CNTN5: variants seen among roughly 807,000 people sequenced by gnomAD.
The protein encoded by CNTN5 is contactin-5.
In CNTN5, 77 loss-of-function variants were observed where a neutral mutation model predicts 129.1. The ratio of observed to expected loss-of-function variants is 0.60; its 90% CI spans 0.50 to 0.72. The LOEUF is 0.72. Among genes scored for constraint, CNTN5 ranks in the 30% least tolerant of loss-of-function variants. CNTN5 has a pLI of 0.00. For missense variants in CNTN5, 1,478 were observed against 1,328.8 expected, an observed-to-expected ratio of 1.11 and a Z score of -1.75; for synonymous variants, 509 against 465.6, an observed-to-expected ratio of 1.09 and a Z score of -1.20.
intron 1 of CNTN5, among the ~76,000 whole-genome samples, chr11:99,298,735 C>T (rs1864494512): frequency 6.6e-6 from 1 of 152,070 alleles, no homozygotes; most frequent in African/African-American, 2.4e-5. Flanking sequence ...AAATCCAGCC[C>T]AAAAAACATC....
chr11:99,696,531 A>G (rs1381194528), intron 3 of CNTN5, among the ~76,000 whole-genome samples: 7 of 151,994 alleles, frequency 4.6e-5, no homozygotes, highest in African/African-American at 1.7e-4. Flanking sequence ...ATTTTAGACT[A>G]TAGATAAGTT....
At chr11:99,654,447 C>T (rs1269819668) in intron 3 of CNTN5, among the ~76,000 whole-genome samples, 1 of 151,862 alleles carries the variant, frequency 6.6e-6, no homozygotes, top group Non-Finnish European at 1.5e-5. Flanking sequence ...TCTGATAATG[C>T]AAAAGAGGCA....
intron 2 of CNTN5, among the ~76,000 whole-genome samples, chr11:99,474,193 A>G (rs917261961): frequency 6.8e-6 from 1 of 147,872 alleles, no homozygotes; most frequent in Admixed American, 6.9e-5. Flanking sequence ...GTATTGTAAT[A>G]AGAAGTTCTA....
intron 3 of CNTN5, among the ~76,000 whole-genome samples, chr11:99,677,191 G>A (rs999033499): frequency 2.0e-5 from 3 of 152,066 alleles, no homozygotes; most frequent in African/African-American, 7.2e-5. Context: ...ATTCCAAAAT[G>A]AATTATGTTT....
chr11:99,270,922 T>C (rs1863140278), intron 1 of CNTN5, among the ~76,000 whole-genome samples: 1 of 151,954 alleles, frequency 6.6e-6, no homozygotes. Context: ...GTGTGTTATT[T>C]AGATGAAAAT....
At chr11:99,876,184 T>A (rs1475978243) in intron 6 of CNTN5, among the ~76,000 whole-genome samples, 1 of 152,108 alleles carries the variant, frequency 6.6e-6, no homozygotes, top group Non-Finnish European at 1.5e-5. Context: ...GCGACCAACA[T>A]CCGTAAGGAA....
chr11:99,412,223 T>A (rs1942428972), intron 2 of CNTN5, among the ~76,000 whole-genome samples: 1 of 152,202 alleles, frequency 6.6e-6, no homozygotes, highest in African/African-American at 2.4e-5. Context: ...AGTATAATTC[T>A]AAGTAAGATA....
At chr11:99,704,244 T>C (rs1404611855) in intron 3 of CNTN5, among the ~76,000 whole-genome samples, 2 of 151,012 alleles carry the variant, frequency 1.3e-5, no homozygotes, top group South Asian at 2.1e-4. Flanking sequence ...GGTATTCACA[T>C]AGGAACTTAC....
intron 23 of CNTN5, among the ~76,000 whole-genome samples, 187 bp downstream of exon 23, chr11:100,341,392 A>G (rs899859365): frequency 2.6e-5 from 4 of 152,182 alleles, no homozygotes; most frequent in Non-Finnish European, 5.9e-5. Flanking sequence ...ATTAGTTTCA[A>G]CTGCACAAGG....
chr11:99,997,686 G>T (rs1383065893), intron 8 of CNTN5, among the ~76,000 whole-genome samples: 1 of 151,980 alleles, frequency 6.6e-6, no homozygotes, highest in East Asian at 1.9e-4. Flanking sequence ...ACCAAAGCCG[G>T]GCAGAGACAC....
intron 1 of CNTN5, among the ~76,000 whole-genome samples, chr11:99,226,030 C>T (rs1211567843): frequency 2.6e-5 from 4 of 152,092 alleles, no homozygotes; most frequent in South Asian, 4.2e-4. Context: ...TTGAAGTCAT[C>T]GTACAAATAA....
intron 1 of CNTN5, among the ~76,000 whole-genome samples, chr11:99,072,993 CT>C (rs2135253923): frequency 6.6e-6 from 1 of 152,232 alleles, no homozygotes; most frequent in African/African-American, 2.4e-5. Context: ...CATATATTCT[CT>C]ATTTCTGGCT....
At chr11:99,408,452 A>AAG (rs1225501617) in intron 2 of CNTN5, among the ~76,000 whole-genome samples, 104 of 91,068 alleles carry the variant, frequency 1.1e-3, no homozygotes, top group African/African-American at 3.8e-3. Flanking sequence ...AAGAAAGAGA[A>AAG]AGAAAGAAAG....
intron 13 of CNTN5, among the ~76,000 whole-genome samples, chr11:100,178,112 C>A (rs556113370): frequency 6.6e-6 from 1 of 152,176 alleles, no homozygotes; most frequent in South Asian, 2.1e-4. Flanking sequence ...TGTAGCAAAA[C>A]CCTCAGCTCC....
At chr11:99,696,012 AT>A (rs1240201527) in intron 3 of CNTN5, among the ~76,000 whole-genome samples, 1 of 152,016 alleles carries the variant, frequency 6.6e-6, no homozygotes, top group Non-Finnish European at 1.5e-5. Context: ...ATTTAAAAAT[AT>A]TTTTTACATT....
At chr11:99,808,432 A>C (rs2135508096) in intron 3 of CNTN5, among the ~76,000 whole-genome samples, 1 of 152,314 alleles carries the variant, frequency 6.6e-6, no homozygotes. Context: ...AAACTCACCT[A>C]ACTTAGCTAA....
At chr11:99,753,281 C>G (rs1253386376) in intron 3 of CNTN5, among the ~76,000 whole-genome samples, 1 of 151,578 alleles carries the variant, frequency 6.6e-6, no homozygotes, top group Non-Finnish European at 1.5e-5. Flanking sequence ...CGCCACCATG[C>G]CCGGCTAATT....
At chr11:100,060,341 A>G (rs1300178769) in intron 9 of CNTN5, among the ~76,000 whole-genome samples, 1 of 150,178 alleles carries the variant, frequency 6.7e-6, no homozygotes, top group East Asian at 2.0e-4. Context: ...AGTCAGGCTA[A>G]TTATTGAATA....
At chr11:100,028,384 A>C (rs1402619078) in intron 9 of CNTN5, among the ~76,000 whole-genome samples, 1 of 152,208 alleles carries the variant, frequency 6.6e-6, no homozygotes, top group Non-Finnish European at 1.5e-5. Context: ...CTGCATTTTC[A>C]AAATTAGGAA....
Sources: allele counts gnomAD v4.1 joint callset (sites outside exome capture counted in the v4.1 genomes callset), GRCh38; gene constraint gnomAD v4.1.1; transcripts MANE v1.5; gene names NCBI Gene and HGNC (gene_info 2026-07-23, HGNC 2026-07-21).